Variants in TEK observed in about 807,000 individuals in gnomAD.
TEK encodes TEK receptor tyrosine kinase.
A neutral mutation model predicts 131.8 loss-of-function variants in TEK; 43 were observed. The ratio of observed to expected loss-of-function variants is 0.33; its 90% CI spans 0.26 to 0.42. The LOEUF (loss-of-function observed/expected upper bound fraction) is 0.42, where lower values mean the gene tolerates loss of function less well. Ranked by LOEUF, TEK falls within the 10% of genes least tolerant of loss-of-function variation. TEK has a pLI of 1.00. For synonymous variants in TEK, 580 were observed against 491.6 expected (o/e 1.18, Z -2.38); for missense variants, 1,162 against 1,384.4 (o/e 0.84, Z 2.55).
At chr9:27,122,702 A>G (rs1317343024) in intron 1 of TEK, among the ~76,000 whole-genome samples, 1 of 151,938 alleles carries the variant, frequency 6.6e-6, no homozygotes, top group Non-Finnish European at 1.5e-5. Context: ...GAGAAAGAGG[A>G]GACTGATGAT....
chr9:27,209,471 A>C (rs2273720), intron 16 of TEK, among the ~76,000 whole-genome samples: 5,454 of 152,202 alleles, frequency 0.036, 129 homozygotes, highest in South Asian at 0.062. Flanking sequence ...TTACTGCCCA[A>C]AGGTATTCAT....
intron 1 of TEK, among the ~76,000 whole-genome samples, chr9:27,131,685 C>G (rs12350053): frequency 0.29 from 44,157 of 150,518 alleles, 7,397 homozygotes; most frequent in African/African-American, 0.45. Flanking sequence ...GTGGTATATG[C>G]CTGTAGTCCC....
intron 1 of TEK, among the ~76,000 whole-genome samples, chr9:27,125,533 T>A (rs1397541469): frequency 6.6e-6 from 1 of 152,162 alleles, no homozygotes; most frequent in Admixed American, 6.5e-5. Context: ...CTTTTCACCT[T>A]ATGCCCAGGC....
At chr9:27,222,901 G>C (rs1353304977) in intron 21 of TEK, among the ~76,000 whole-genome samples, 2 of 151,856 alleles carry the variant, frequency 1.3e-5, no homozygotes, top group African/African-American at 4.8e-5. Flanking sequence ...ATACACATAG[G>C]CTCAAAATAA....
chr9:27,125,921 G>T (rs1587485510), intron 1 of TEK, among the ~76,000 whole-genome samples: 1 of 151,926 alleles, frequency 6.6e-6, no homozygotes, highest in East Asian at 1.9e-4. Flanking sequence ...CTTCTACTCT[G>T]TGCCCAACAC....
chr9:27,220,224 G>C, intron 21 of TEK, 79 bp downstream of exon 21: 1 of 1,386,928 alleles, frequency 7.2e-7, no homozygotes, highest in Non-Finnish European at 1.0e-6. Context: ...CTCTAGCAAA[G>C]TCAGCCGGTA....
At chr9:27,199,227 T>C (rs1456197739) in intron 12 of TEK, among the ~76,000 whole-genome samples, 2 of 152,234 alleles carry the variant, frequency 1.3e-5, no homozygotes, top group Non-Finnish European at 2.9e-5. Flanking sequence ...TAATTTTAAC[T>C]TCTGTATAAT....
chr9:27,221,352 G>A (rs1224100361), intron 21 of TEK, among the ~76,000 whole-genome samples: 1 of 152,216 alleles, frequency 6.6e-6, no homozygotes, highest in Non-Finnish European at 1.5e-5. Flanking sequence ...AGCTTCAGCA[G>A]ACTTAAACGT....
At chr9:27,179,246 T>C (rs1322052) in intron 6 of TEK, among the ~76,000 whole-genome samples, 54,390 of 152,054 alleles carry the variant, frequency 0.36, 10,732 homozygotes, top group African/African-American at 0.54. Flanking sequence ...GTCCATACAG[T>C]GATTATTTGA....
chr9:27,199,591 A>G (rs376076622), intron 12 of TEK, among the ~76,000 whole-genome samples: 3 of 152,232 alleles, frequency 2.0e-5, no homozygotes, highest in East Asian at 1.9e-4. Flanking sequence ...GTTAATTTCA[A>G]TTTTGATTTC....
chr9:27,165,552 T>A (rs186593296), intron 2 of TEK, among the ~76,000 whole-genome samples: 1 of 152,294 alleles, frequency 6.6e-6, no homozygotes. Flanking sequence ...CACAGCAGTG[T>A]TGCTGTTTAT....
intron 11 of TEK, among the ~76,000 whole-genome samples, chr9:27,193,358 C>T (rs954562373): frequency 2.0e-5 from 3 of 152,068 alleles, no homozygotes; most frequent in Non-Finnish European, 2.9e-5. Flanking sequence ...AGGATGGGGC[C>T]GGGGTTCAAA....
intron 1 of TEK, among the ~76,000 whole-genome samples, chr9:27,113,805 A>G (rs1821442506): frequency 6.6e-6 from 1 of 152,078 alleles, no homozygotes; most frequent in African/African-American, 2.4e-5. Context: ...AAACCCAAAC[A>G]CTTTGCCAAC....
intron 1 of TEK, among the ~76,000 whole-genome samples, chr9:27,138,919 A>T (rs1253863956): frequency 1.3e-5 from 2 of 152,110 alleles, no homozygotes; most frequent in African/African-American, 4.8e-5. Flanking sequence ...TTTTGAAAGT[A>T]GGATTCTTAG....
intron 6 of TEK, among the ~76,000 whole-genome samples, chr9:27,177,774 G>T (rs72713737): frequency 1.3e-5 from 2 of 151,944 alleles, no homozygotes; most frequent in African/African-American, 2.4e-5. Context: ...GAAAAAAAAA[G>T]ATGTCTATTC....
At chr9:27,196,249 A>G (rs1202713840) in intron 11 of TEK, among the ~76,000 whole-genome samples, 1 of 152,220 alleles carries the variant, frequency 6.6e-6, no homozygotes, top group Non-Finnish European at 1.5e-5. Flanking sequence ...TTGGGCTTTC[A>G]TACTTATCCT....
intron 1 of TEK, among the ~76,000 whole-genome samples, chr9:27,152,603 A>G (rs1452961773): frequency 3.9e-5 from 5 of 126,836 alleles, no homozygotes; most frequent in African/African-American, 1.6e-4. Flanking sequence ...CCCCCGCCGC[A>G]AAAAAATAAA....
rs1823822916 is a variant in TEK, at chr9:27,168,486, T to G, written c.365-9T>G. 6.2e-7 allele frequency: 1 copy of G among 1,608,632 alleles called. No individual in the cohort carries two copies. The highest frequency in any genetic ancestry group is 8.5e-7 in the Non-Finnish European group (1 of 1,175,278). ...CCATTTTTGGTATTTGTTTTCTCTC[T>G]TTTAAAAGCTTCCTTCCTACCAGCT... On this transcript the variant is annotated splice_polypyrimidine_tract_variant and intron_variant, in intron 2 of 22. Coordinates refer to ENST00000380036, the MANE Select transcript of TEK (RefSeq NM_000459.5).
chr9:27,190,733 C>T, intron 10 of TEK, 43 bp downstream of exon 10: 6 of 1,610,692 alleles, frequency 3.7e-6, no homozygotes, highest in Non-Finnish European at 5.1e-6. Flanking sequence ...GATGTGGCAC[C>T]AGGAGAATTA....
Sources: allele counts gnomAD v4.1 joint callset (sites outside exome capture counted in the v4.1 genomes callset), GRCh38; gene constraint gnomAD v4.1.1; transcripts MANE v1.5; gene names NCBI Gene and HGNC (gene_info 2026-07-23, HGNC 2026-07-21).